The following TTLL13 variants were observed in gnomAD, a reference collection of about 807,000 sequenced individuals.
TTLL13 encodes tubulin polyglutamylase TTLL13.
the TTLL13 span, chr15:90,265,342 TCGC>T: frequency 1.6e-6 from 2 of 1,221,600 alleles, no homozygotes; most frequent in Non-Finnish European, 2.1e-6. Context: ...CACTGGGCTG[TCGC>T]CGTCAGAAGA....
the TTLL13 span, chr15:90,264,002 C>A: frequency 3.9e-6 from 6 of 1,535,960 alleles, no homozygotes; most frequent in Non-Finnish European, 4.4e-6. Flanking sequence ...TGTTCATTGT[C>A]AATGAAGAAG....
At chr15:90,251,174 C>G in the TTLL13 span, among the ~76,000 whole-genome samples, 4 of 131,144 alleles carry the variant, frequency 3.1e-5, no homozygotes, top group Non-Finnish European at 6.2e-5. Flanking sequence ...AGTACAGTGG[C>G]GTGATCTCGG....
chr15:90,254,082 G>A, the TTLL13 span, among the ~76,000 whole-genome samples: 1 of 152,154 alleles, frequency 6.6e-6, no homozygotes. Flanking sequence ...GGCCAAGGCA[G>A]GTGGATCAAT....
At chr15:90,251,495 A>G in the TTLL13 span, 2 of 1,503,600 alleles carry the variant, frequency 1.3e-6, no homozygotes, top group South Asian at 1.1e-5. Context: ...ATGTCTTTTC[A>G]TCTGAGTACC....
the TTLL13 span, chr15:90,263,790 T>G: frequency 1.4e-6 from 1 of 705,204 alleles, no homozygotes; most frequent in Non-Finnish European, 2.6e-6. Context: ...AATCTATGAG[T>G]CTGGTCCTAC....
chr15:90,262,175 A>G, the TTLL13 span: 1 of 1,534,714 alleles, frequency 6.5e-7, no homozygotes, highest in Admixed American at 2.0e-5. Context: ...TTCCAAGGCC[A>G]GAGAGGAGTG....
the TTLL13 span, among the ~76,000 whole-genome samples, chr15:90,251,114 C>CTTT: frequency 1.9e-5 from 2 of 104,670 alleles, no homozygotes; most frequent in Non-Finnish European, 1.8e-5. Context: ...CCTGGTCTGT[C>CTTT]TTTTTTTTTT....
the TTLL13 span, chr15:90,263,270 A>AAAG: frequency 2.3e-6 from 2 of 879,220 alleles, no homozygotes; most frequent in Admixed American, 5.9e-5. Flanking sequence ...GGGAAAGCAG[A>AAAG]GTGCGCTAGC....
At chr15:90,263,124 G>GA in the TTLL13 span, 14,950 of 1,526,384 alleles carry the variant, frequency 9.8e-3, 97 homozygotes, top group Non-Finnish European at 0.012. Flanking sequence ...CCCAGGGCCA[G>GA]AAAAAACTTC....
chr15:90,251,430 GGTCT>G, the TTLL13 span: 1 of 1,025,812 alleles, frequency 9.7e-7, no homozygotes, highest in Admixed American at 1.7e-5. Flanking sequence ...AGCCCATCCT[GGTCT>G]GTCTTTTAAG....
At chr15:90,263,020 G>T in the TTLL13 span, 1 of 1,536,100 alleles carries the variant, frequency 6.5e-7, no homozygotes, top group South Asian at 1.2e-5. Flanking sequence ...GGAAGAGGAG[G>T]AGCTGGAGCG....
the TTLL13 span, chr15:90,263,001 A>G: frequency 2.6e-6 from 4 of 1,535,968 alleles, no homozygotes; most frequent in Middle Eastern, 1.7e-4. Flanking sequence ...TGAGGCCTCA[A>G]GAAATTGTGG....
At chr15:90,264,090 G>T in the TTLL13 span, 1 of 1,382,382 alleles carries the variant, frequency 7.2e-7, no homozygotes, top group South Asian at 1.2e-5. Flanking sequence ...TGGTCATTTT[G>T]ACATATGTAA....
chr15:90,262,026 C>T, the TTLL13 span: 1 of 1,534,728 alleles, frequency 6.5e-7, no homozygotes, highest in Non-Finnish European at 8.7e-7. Context: ...ACTGAGTCAT[C>T]CCATGTGGCA....
chr15:90,256,132 T>TATGTGCAGAGA, the TTLL13 span: 1 of 1,613,500 alleles, frequency 6.2e-7, no homozygotes, highest in African/African-American at 1.3e-5. Flanking sequence ...AGGCCCTCTC[T>TATGTGCAGAGA]GCACATAGCT....
the TTLL13 span, chr15:90,258,223 G>A: frequency 3.7e-6 from 6 of 1,614,202 alleles, no homozygotes; most frequent in Non-Finnish European, 5.1e-6. Context: ...GAAATCCTTG[G>A]TTTTGACATC....
the TTLL13 span, among the ~76,000 whole-genome samples, chr15:90,255,058 C>T: frequency 6.6e-6 from 1 of 152,168 alleles, no homozygotes; most frequent in Non-Finnish European, 1.5e-5. Flanking sequence ...ATGGGGAAAC[C>T]CAGTGGAGAG....
the TTLL13 span, chr15:90,257,941 C>G: frequency 8.2e-7 from 1 of 1,216,740 alleles, no homozygotes; most frequent in Non-Finnish European, 1.2e-6. Flanking sequence ...CTTCAAAGCC[C>G]GGGCATGCAA....
chr15:90,258,232 T>C, the TTLL13 span: 2 of 1,614,250 alleles, frequency 1.2e-6, no homozygotes, highest in South Asian at 2.2e-5. Flanking sequence ...GGTTTTGACA[T>C]CTTGCTGGAC....
Sources: allele counts gnomAD v4.1 joint callset (sites outside exome capture counted in the v4.1 genomes callset), GRCh38; gene constraint gnomAD v4.1.1; transcripts MANE v1.5; gene names NCBI Gene and HGNC (gene_info 2026-07-23, HGNC 2026-07-21).